KIAA1217: variants seen among roughly 807,000 people sequenced by gnomAD.
KIAA1217 encodes KIAA1217.
KIAA1217 carries 88 observed loss-of-function variants against 163.9 expected under a neutral mutation model. The observed-to-expected ratio is 0.54, with a 90% CI of 0.45 to 0.64. KIAA1217 has a LOEUF of 0.64. Ranked by LOEUF, KIAA1217 falls within the 30% of genes least tolerant of loss-of-function variation. The pLI is 0.00. For synonymous variants in KIAA1217, 903 were observed against 923.1 expected (o/e 0.98, Z 0.39); for missense variants, 2,372 against 2,475.0 (o/e 0.96, Z 0.88).
intron 5 of KIAA1217, among the ~76,000 whole-genome samples, chr10:24,460,726 A>G (rs1321590916): frequency 6.6e-6 from 1 of 152,156 alleles, no homozygotes; most frequent in South Asian, 2.1e-4. Context: ...TTGCTTGGTA[A>G]TAGAACCTAC....
intron 2 of KIAA1217, among the ~76,000 whole-genome samples, chr10:24,079,927 C>A (rs1255709226): frequency 2.0e-5 from 3 of 152,174 alleles, no homozygotes; most frequent in Non-Finnish European, 2.9e-5. Context: ...ACATCCAAGA[C>A]TGGCCCAGTG....
At chr10:24,297,274 C>T (rs921576120) in intron 2 of KIAA1217, among the ~76,000 whole-genome samples, 1 of 152,194 alleles carries the variant, frequency 6.6e-6, no homozygotes, top group East Asian at 1.9e-4. Flanking sequence ...AACAGATCCA[C>T]TGACTACATT....
intron 3 of KIAA1217, among the ~76,000 whole-genome samples, chr10:24,407,974 G>A (rs1443244371): frequency 6.6e-6 from 1 of 152,122 alleles, no homozygotes; most frequent in East Asian, 1.9e-4. Flanking sequence ...ATTGGTCTAG[G>A]TTCATCTTGA....
chr10:23,728,748 A>T (rs1345682256), intron 1 of KIAA1217, among the ~76,000 whole-genome samples: 1 of 152,250 alleles, frequency 6.6e-6, no homozygotes, highest in Non-Finnish European at 1.5e-5. Flanking sequence ...TGGCAAAAGT[A>T]GACTTTTTTT....
intron 2 of KIAA1217, among the ~76,000 whole-genome samples, chr10:24,244,689 C>T (rs896038879): frequency 6.6e-6 from 1 of 151,650 alleles, no homozygotes; most frequent in Non-Finnish European, 1.5e-5. Context: ...CTCAGCCTCC[C>T]GAGTAGCTGA....
chr10:24,380,614 C>CAATAAATAAATA (rs56384961), intron 2 of KIAA1217, among the ~76,000 whole-genome samples: 3 of 145,522 alleles, frequency 2.1e-5, no homozygotes, highest in African/African-American at 5.1e-5. Context: ...TGCACTCTGG[C>CAATAAATAAATA]AATAAATAAA....
chr10:24,409,402 T>A (rs1020248270), intron 3 of KIAA1217, among the ~76,000 whole-genome samples: 1 of 152,184 alleles, frequency 6.6e-6, no homozygotes, highest in Non-Finnish European at 1.5e-5. Flanking sequence ...TTCTAGGGAA[T>A]GCAAATTAAT....
At chr10:23,993,553 C>CTTTTTTTTTTT (rs200437343) in intron 1 of KIAA1217, among the ~76,000 whole-genome samples, 3,445 of 68,772 alleles carry the variant, frequency 0.05, 860 homozygotes, top group Non-Finnish European at 0.066. Flanking sequence ...CATAGCCCAG[C>CTTTTTTTTTTT]TTTTTTTTTT....
chr10:23,875,403 GTGTTCC>G lies in KIAA1217; in HGVS notation c.-320-131821_-320-131816del, dbSNP rs1233941351. Among the ~76,000 whole-genome samples, 7 of 152,112 alleles carry G rather than the reference GTGTTCC, an allele frequency of 4.6e-5. No individual in the cohort carries two copies. The East Asian group carries it at 1.4e-3, about 30-fold the overall frequency. On this transcript the variant is annotated intron_variant, in intron 1 of 18. Transcript: ENST00000376462. ...TAACCCTTGACAAGCTTGGCTGGTT[GTGTTCC>G]AGGATATCCAAGAAAAGAGTGGTTG...
intron 17 of KIAA1217, chr10:24,542,456 A>G (rs1328540769): frequency 1.5e-6 from 2 of 1,352,620 alleles, no homozygotes; most frequent in Admixed American, 3.0e-5. Flanking sequence ...ACAAAATTTT[A>G]AATTCTTGAA....
intron 2 of KIAA1217, among the ~76,000 whole-genome samples, chr10:24,047,524 T>TG (rs1849122866): frequency 6.6e-6 from 1 of 152,194 alleles, no homozygotes; most frequent in African/African-American, 2.4e-5. Flanking sequence ...TCAAGCACAA[T>TG]GGGGTCTCTA....
Position 23,817,569 on chromosome 10 carries a change from A to G in KIAA1217, c.-321+122335A>G, listed in dbSNP as rs181997025. Among the ~76,000 whole-genome samples, 561 of 152,288 alleles carry G rather than the reference A, an allele frequency of 3.7e-3. 9 individuals are homozygous for G. The highest frequency in any genetic ancestry group is 0.012 in the African/African-American group (517 of 41,554). ...GGATAAAAGAAGTTGTCAGAAATCC[A>G]AAAGATCACAGTTTTTATAACTATG... is the stretch of plus-strand genomic sequence containing the variant. On this transcript the variant is annotated intron_variant, in intron 1 of 18. Transcript: ENST00000376462.
chr10:23,891,844 G>A (rs182059330), intron 1 of KIAA1217, among the ~76,000 whole-genome samples: 7 of 151,990 alleles, frequency 4.6e-5, no homozygotes, highest in Admixed American at 2.0e-4. Flanking sequence ...AATAGCCAAC[G>A]TGAAATATAT....
At chr10:23,741,434 G>C (rs1390058826) in intron 1 of KIAA1217, among the ~76,000 whole-genome samples, 1 of 152,052 alleles carries the variant, frequency 6.6e-6, no homozygotes, top group East Asian at 1.9e-4. Context: ...TTTGCAATTG[G>C]AATGATTCTG....
At chr10:24,389,860 C>T (rs2054597928) in intron 3 of KIAA1217, among the ~76,000 whole-genome samples, 1 of 152,052 alleles carries the variant, frequency 6.6e-6, no homozygotes, top group South Asian at 2.1e-4. Flanking sequence ...TGCCAAGCTC[C>T]CAGGGCACGG....
chr10:24,332,544 C>T (rs530236250), intron 2 of KIAA1217, among the ~76,000 whole-genome samples: 3 of 151,816 alleles, frequency 2.0e-5, no homozygotes, highest in South Asian at 2.1e-4. Context: ...AGAGCAACTC[C>T]TGTCAGACTA....
chr10:23,812,849 G>C (rs1326375895), intron 1 of KIAA1217, among the ~76,000 whole-genome samples: 1 of 152,104 alleles, frequency 6.6e-6, no homozygotes, highest in African/African-American at 2.4e-5. Flanking sequence ...CATTTTCAAG[G>C]TTTCTTCTTG....
chr10:23,913,625 G>T (rs1842525711), intron 1 of KIAA1217, among the ~76,000 whole-genome samples: 1 of 152,132 alleles, frequency 6.6e-6, no homozygotes, highest in Non-Finnish European at 1.5e-5. Context: ...AATATCCTGG[G>T]TTGTTGGGGC....
chr10:24,208,463 A>T (rs1175129624), upstream of KIAA1217, among the ~76,000 whole-genome samples: 1 of 151,816 alleles, frequency 6.6e-6, no homozygotes, highest in Non-Finnish European at 1.5e-5. Flanking sequence ...ACTTTTTTTT[A>T]AAAAGTCCAG....
Sources: gnomAD v4.1 joint callset for allele counts (sites outside exome capture counted in the v4.1 genomes callset) on GRCh38, gnomAD v4.1.1 for gene constraint, MANE v1.5 for transcripts, NCBI Gene and HGNC (gene_info 2026-07-23, HGNC 2026-07-21) for gene names.